The following CUX2 variants were observed in gnomAD, a reference collection of about 807,000 sequenced individuals.
CUX2 encodes the protein homeobox protein cut-like 2.
CUX2 carries 40 observed loss-of-function variants against 144.8 expected under a neutral mutation model. The observed-to-expected ratio is 0.28, with a 90% CI of 0.21 to 0.36. The LOEUF is 0.36. CUX2 is among the 10% of genes least tolerant of loss of function. The pLI, the probability that CUX2 is intolerant of heterozygous loss-of-function variation, is 1.00. For missense variants in CUX2, 1,615 were observed against 1,994.0 expected (o/e 0.81, Z 3.62); for synonymous variants, 827 against 875.6 (o/e 0.94, Z 0.98).
intron 1 of CUX2, among the ~76,000 whole-genome samples, chr12:111,053,922 C>A (rs1353288518): frequency 6.6e-6 from 1 of 152,076 alleles, no homozygotes; most frequent in Non-Finnish European, 1.5e-5. Context: ...TGGGAGGCCA[C>A]GGCGGGTGGA....
chr12:111,218,031 C>CA (rs1881644829), intron 3 of CUX2, 94 bp downstream of exon 3: 1 of 1,373,298 alleles, frequency 7.3e-7, no homozygotes, highest in Non-Finnish European at 1.0e-6. Flanking sequence ...CAGCAGCCTC[C>CA]AGAAGCTTTG....
chr12:111,214,299 A>C lies in CUX2; in HGVS notation c.163A>C (p.Asn55His). 6.3e-7 allele frequency: 1 copy of C among 1,587,424 alleles called. No homozygotes were observed. The highest frequency in any genetic ancestry group is 8.6e-7 in the Non-Finnish European group (1 of 1,159,576). ...TGAACTCCGCCGGGAATTTAAGAAA[A>C]ATGTACCTGAGGTATGGTATATTTG... ...LIELRREFKK[N>H]VPEEIREMVA... Residue 55 changes from asparagine (N) to histidine (H), a missense_variant, in exon 2 of 22, where the codon AAT (asparagine) becomes CAT (histidine). By Grantham distance (68) the Asn-to-His change is moderately conservative (BLOSUM62 1). Coordinates refer to ENST00000261726, the MANE Select transcript of CUX2 (RefSeq NM_015267.4).
At chr12:111,152,141 G>A (rs1277754675) in intron 1 of CUX2, among the ~76,000 whole-genome samples, 2 of 151,996 alleles carry the variant, frequency 1.3e-5, no homozygotes, top group African/African-American at 4.8e-5. Context: ...AAAATTAGCT[G>A]GGCATGGTAG....
At chr12:111,296,587 G>A in intron 8 of CUX2, 48 bp downstream of exon 8, 1 of 1,548,838 alleles carries the variant, frequency 6.5e-7, no homozygotes, top group Non-Finnish European at 8.8e-7. Flanking sequence ...AGGCCTCCCA[G>A]ACAGGCCTCC....
intron 3 of CUX2, among the ~76,000 whole-genome samples, chr12:111,221,422 C>T (rs1050216235): frequency 3.3e-5 from 5 of 152,082 alleles, no homozygotes; most frequent in African/African-American, 1.2e-4. Context: ...TTAATGAGGC[C>T]TCATCCTTTA....
chr12:111,339,935 C>A (rs988715118), intron 20 of CUX2, among the ~76,000 whole-genome samples: 2 of 152,194 alleles, frequency 1.3e-5, no homozygotes, highest in Non-Finnish European at 2.9e-5. Context: ...GTGGCTCACA[C>A]CTGTAATCCT....
At chr12:111,324,496 T>C (rs1887682582) in intron 18 of CUX2, among the ~76,000 whole-genome samples, 1 of 151,158 alleles carries the variant, frequency 6.6e-6, no homozygotes, top group African/African-American at 2.4e-5. Flanking sequence ...TTTTTTGTTT[T>C]GTTTTGTTTT....
intron 1 of CUX2, among the ~76,000 whole-genome samples, chr12:111,204,303 G>A (rs1032032678): frequency 2.6e-5 from 4 of 152,232 alleles, no homozygotes; most frequent in African/African-American, 9.6e-5. Context: ...GAGCTGCCAG[G>A]TGGGCCTGAT....
At chr12:111,343,219 A>G (rs1284551414) in intron 21 of CUX2, among the ~76,000 whole-genome samples, 1 of 151,926 alleles carries the variant, frequency 6.6e-6, no homozygotes, top group Non-Finnish European at 1.5e-5. Flanking sequence ...TTCAGGCTCC[A>G]CCACCTCAGA....
At position 111,320,175 on chromosome 12, in the gene CUX2, G is replaced by T. The variant is rs770656777; in HGVS notation, c.2166G>T (p.Ser722=). ...TGGAGGTGGCGCCCAGGGGCCGCTC[G>T]GTGCCCCCCTCGCCCCCGGAGCGGC... ...LEMEVAPRGR[S]VPPSPPERPS... is the part of the protein sequence containing the mutation. The change falls in exon 17 of 22, where the codon TCG becomes TCT. Residue 722 remains serine (S), a synonymous_variant. Coordinates refer to ENST00000261726, the MANE Select transcript of CUX2 (RefSeq NM_015267.4). This position sits in a 1 kb window ranked among gnomAD's most constrained non-coding sequence, Gnocchi z 8.1. 21 of 1,535,008 alleles carry T rather than the reference G, an allele frequency of 1.4e-5. No homozygotes were observed. The African/African-American group carries it at 2.9e-4, about 21-fold the overall frequency.
In CUX2 at chr12:111,246,461, C is replaced by T. The variant is rs1052586687; in HGVS notation, c.223-17300C>T. Among the ~76,000 whole-genome samples the T allele has an allele frequency of 9.9e-5, 15 of 152,152 alleles. No homozygotes were observed. Among genetic ancestry groups the T allele is most frequent in the African/African-American group, 3.4e-4 (14 of 41,412 alleles). On this transcript the variant is annotated intron_variant, in intron 3 of 21. Transcript: ENST00000261726. The surrounding 1 kb of genome is among the most constrained non-coding windows in gnomAD (Gnocchi z 4.0). The stretch of plus-strand genomic sequence containing the variant: ...TGGCCACCCTCCAATTCACTGTATT[C>T]CTCTTTGTGTGATCAATGTGATTAT...
chr12:111,103,041 A>G lies in CUX2; in HGVS notation c.63+68801A>G, dbSNP rs184370201. On this transcript the variant is annotated intron_variant, in intron 1 of 21. Transcript: ENST00000261726. The stretch of plus-strand genomic sequence containing the variant: ...TTTTTATTATTATTAGCAACAGATA[A>G]TTTTGTAAGTTTCCTGCCTAGAGGG... Among the ~76,000 whole-genome samples, 217 of 152,276 alleles carry G rather than the reference A, an allele frequency of 1.4e-3. 3 individuals carry two copies. Among genetic ancestry groups the G allele is most frequent in the African/African-American group, 5.0e-3 (206 of 41,536 alleles).
chr12:111,064,980 A>G (rs1870960507), intron 1 of CUX2, among the ~76,000 whole-genome samples: 1 of 152,156 alleles, frequency 6.6e-6, no homozygotes, highest in Admixed American at 6.5e-5. Flanking sequence ...TGCTGTTTTT[A>G]TAGTCTGTGT....
chr12:111,232,386 C>G (rs1270027749), intron 3 of CUX2, among the ~76,000 whole-genome samples: 2 of 152,126 alleles, frequency 1.3e-5, no homozygotes, highest in Admixed American at 6.5e-5. Context: ...CACCTGTAGT[C>G]CCAGCAACTC....
intron 1 of CUX2, among the ~76,000 whole-genome samples, chr12:111,105,386 T>C (rs940842130): frequency 6.6e-6 from 1 of 152,228 alleles, no homozygotes; most frequent in Non-Finnish European, 1.5e-5. Context: ...TTGATTTCTG[T>C]CCGCCTCCTC....
intron 1 of CUX2, among the ~76,000 whole-genome samples, chr12:111,040,869 C>T (rs1242590995): frequency 6.6e-6 from 1 of 152,226 alleles, no homozygotes; most frequent in African/African-American, 2.4e-5. Context: ...TTTATTTATA[C>T]AAACAGGCAG....
intron 4 of CUX2, among the ~76,000 whole-genome samples, chr12:111,271,111 T>G (rs1884628714): frequency 1.3e-5 from 2 of 152,206 alleles, no homozygotes; most frequent in African/African-American, 4.8e-5. Context: ...CTGCTATTGA[T>G]TCTACGAGGT....
At chr12:111,233,762 C>T (rs936952176) in intron 3 of CUX2, among the ~76,000 whole-genome samples, 4 of 152,234 alleles carry the variant, frequency 2.6e-5, no homozygotes, top group Non-Finnish European at 5.9e-5. Flanking sequence ...ACCAAGATCA[C>T]ATACTGAGAA....
intron 1 of CUX2, among the ~76,000 whole-genome samples, chr12:111,170,203 G>A (rs1477293817): frequency 6.6e-6 from 1 of 152,154 alleles, no homozygotes; most frequent in Non-Finnish European, 1.5e-5. Flanking sequence ...ACTTTGGGAG[G>A]CAGATCACCT....
Sources: allele counts gnomAD v4.1 joint callset (sites outside exome capture counted in the v4.1 genomes callset), GRCh38; gene constraint gnomAD v4.1.1; non-coding constraint Gnocchi (gnomAD v3.1); transcripts MANE v1.5; gene names NCBI Gene and HGNC (gene_info 2026-07-23, HGNC 2026-07-21).